The following NONO variants were observed in gnomAD, a reference collection of about 807,000 sequenced individuals.
NONO encodes the protein non-POU domain containing octamer binding.
In NONO, 6 loss-of-function variants were observed where a neutral mutation model predicts 40.2. The observed-to-expected ratio is 0.15, with a 90% confidence interval of 0.08 to 0.29. The LOEUF (loss-of-function observed/expected upper bound fraction) is 0.29, where lower values mean the gene tolerates loss of function less well. NONO is among the 10% of genes least tolerant of loss of function. The pLI is 1.00. For missense variants in NONO, 133 were observed against 397.8 expected (o/e 0.33, Z 5.66); for synonymous variants, 89 against 123.3 (o/e 0.72, Z 1.85).
intron 2 of NONO, among the ~76,000 whole-genome samples, chrX:71,288,108 A>ATTTTTTTT: frequency 2.2e-5 from 1 of 45,109 alleles, no homozygotes; most frequent in Non-Finnish European, 4.1e-5. Flanking sequence ...TTAACATTTT[A>ATTTTTTTT]TTATTTTTAT....
At position 71,300,401 on chromosome X, in the gene NONO, T is replaced by TTG; in HGVS notation, c.*325_*326insTG. The stretch of plus-strand genomic sequence containing the variant: ...TGATCATTCCGGTTTTTTTTTTTTT[T>TTG]GTCCATCTTGTTTCATTTGCTTGCC... On this transcript the variant is annotated 3_prime_UTR_variant, in exon 12 of 12. Transcript: ENST00000276079. The TTG allele has an allele frequency of 3.5e-6, 1 of 289,709 alleles. No individual in the cohort carries two copies. Among genetic ancestry groups the TTG allele is most frequent in the Admixed American group, 6.0e-5 (1 of 16,672 alleles). 23.9% of individuals were successfully genotyped at this position (289,709 alleles called of 1,213,427 possible).
chrX:71,288,526 G>T lies in NONO; in HGVS notation c.-9-2103G>T, dbSNP rs2031252960. Among the ~76,000 whole-genome samples, 4 of 111,905 alleles carry T rather than the reference G, an allele frequency of 3.6e-5. No homozygotes were observed. In the South Asian group the frequency reaches 1.5e-3, roughly 41 times the overall value. ...CCTGGCTCAGCCTCCTGAGTAACTG[G>T]GATTACAGGCATGTGCCACCACACC... On this transcript the variant is annotated intron_variant, in intron 2 of 11. Transcript: ENST00000276079.
At chrX:71,290,596 G>C (rs1335087603) in intron 2 of NONO, 33 bp from the exon 3 acceptor site, 1 of 1,149,229 alleles carries the variant, frequency 8.7e-7, no homozygotes, top group Non-Finnish European at 1.2e-6. Context: ...TATTAGTACT[G>C]AATTTATTTA....
intron 5 of NONO, among the ~76,000 whole-genome samples, chrX:71,295,583 G>A (rs1034485285): frequency 9.0e-6 from 1 of 110,579 alleles, no homozygotes; most frequent in African/African-American, 3.3e-5. Context: ...ACGAGGTCCT[G>A]AGTTTGAGAC....
chrX:71,288,056 T>A (rs2148028959), intron 2 of NONO, among the ~76,000 whole-genome samples: 1 of 103,333 alleles, frequency 9.7e-6, no homozygotes, highest in African/African-American at 3.5e-5. Flanking sequence ...ACAGAGCACT[T>A]GTTTTCTTTT....
Position 71,300,386 on chromosome X carries a change from G to GT in NONO, c.*310_*311insT, listed in dbSNP as rs2031552968. On this transcript the variant is annotated 3_prime_UTR_variant, in exon 12 of 12. Transcript: ENST00000276079. ...AGAGCCCATTAATCTTGATCATTCC[G>GT]GTTTTTTTTTTTTTTGTCCATCTTG... The GT allele has an allele frequency of 7.3e-6, 2 of 275,250 alleles. No individual in the cohort carries two copies. Among genetic ancestry groups the GT allele is most frequent in the South Asian group, 6.1e-5 (1 of 16,329 alleles). The allele number at this position is 275,250 out of a possible 1,213,427, so 22.7% of individuals were successfully genotyped here.
intron 2 of NONO, among the ~76,000 whole-genome samples, chrX:71,285,845 T>C (rs1436469457): frequency 1.8e-5 from 2 of 112,094 alleles, no homozygotes; most frequent in African/African-American, 3.2e-5. Context: ...ACGACCCAGG[T>C]GTCCAACACA....
intron 9 of NONO, 93 bp from the exon 10 acceptor site, chrX:71,298,376 A>C (rs2031498480): frequency 2.6e-6 from 2 of 754,944 alleles, no homozygotes; most frequent in African/African-American, 4.2e-5. Context: ...ACGTGTTATC[A>C]CTCTATCTAC....
rs760188784 is a variant in NONO at position 71,289,453 on chromosome X, G to T, written c.-9-1176G>T. Among the ~76,000 whole-genome samples, 4 of 109,485 alleles carry T rather than the reference G, an allele frequency of 3.7e-5. No individual in the cohort carries two copies. In the South Asian group the frequency reaches 1.6e-3, roughly 43 times the overall value. ...ACTACAGGCGCCTGCCACCACGCCC[G>T]GCTAATTTTTTGTATTTTTAGTAGA... On this transcript the variant is annotated intron_variant, in intron 2 of 11. Coordinates refer to ENST00000276079, the MANE Select transcript of NONO (RefSeq NM_007363.5).
Position 71,297,172 on chromosome X carries a change from G to A in NONO, c.943+125G>A. The stretch of plus-strand genomic sequence containing the variant: ...TTATACTTAGTTTGCGTTGATTTTG[G>A]TAGATAAATAGGCTTGGAGATGTGG... On this transcript the variant is annotated intron_variant, in intron 7 of 11. Transcript: ENST00000276079. 4 of 716,008 alleles carry A rather than the reference G, an allele frequency of 5.6e-6. No homozygotes were observed. In the African/African-American group the frequency reaches 6.5e-5, roughly 12 times the overall value. The allele number at this position is 716,008 out of a possible 1,213,427, so 59.0% of individuals were successfully genotyped here.
intron 5 of NONO, 97 bp from the exon 6 acceptor site, chrX:71,296,468 C>T: frequency 1.6e-6 from 1 of 612,873 alleles, no homozygotes; most frequent in Non-Finnish European, 2.5e-6. Flanking sequence ...GCCTCCAATC[C>T]TGAGCCCTAG....
At chrX:71,297,179 A>G (rs948269008) in intron 7 of NONO, 132 bp downstream of exon 7, 45 of 699,661 alleles carry the variant, frequency 6.4e-5, no homozygotes, top group Non-Finnish European at 8.8e-5. Flanking sequence ...TTGGTAGATA[A>G]ATAGGCTTGG....
Position 71,297,058 on chromosome X carries a change from G to A in NONO, c.943+11G>A, listed in dbSNP as rs1398229791. ...TGCTAATGAGACAGGGTGAGTCTAGGCCTGTAAGTCTTAAAGCTGAAAGGA... is the reference window on the plus strand; with the variant it reads ...TGCTAATGAGACAGGGTGAGTCTAGACCTGTAAGTCTTAAAGCTGAAAGGA... On this transcript the variant is annotated intron_variant, in intron 7 of 11. Transcript: ENST00000276079. The A allele has an allele frequency of 8.6e-7, 1 of 1,159,682 alleles. No homozygotes were observed. Among genetic ancestry groups the A allele is most frequent in the South Asian group, 2.0e-5 (1 of 50,606 alleles).
In NONO at chrX:71,300,532, A is replaced by T; in HGVS notation, c.*456A>T. 5.1e-6 allele frequency: 1 copy of T among 196,582 alleles called. No individual in the cohort carries two copies. Among genetic ancestry groups the T allele is most frequent in the Non-Finnish European group, 9.3e-6 (1 of 107,376 alleles). The allele number at this position is 196,582 out of a possible 1,213,427, so 16.2% of individuals were successfully genotyped here. On this transcript the variant is annotated 3_prime_UTR_variant, in exon 12 of 12. Coordinates refer to ENST00000276079, the MANE Select transcript of NONO (RefSeq NM_007363.5). ...CCCGGGTTCAAGCTTGTCCAGGTTG[A>T]TCTTGAACTCCTGACCTCGTGATCT...
rs768143530 is a variant in NONO, at chrX:71,289,497, TAGGC to T, written c.-9-1128_-9-1125del. On this transcript the variant is annotated intron_variant, in intron 2 of 11. Coordinates refer to ENST00000276079, the MANE Select transcript of NONO (RefSeq NM_007363.5). ...TAGTAGAGACGGGGTTTCACCATGT[TAGGC>T]AGGATGGTCTTGATCTCCTGACCTC... Among the ~76,000 whole-genome samples, 5 of 111,530 alleles carry T rather than the reference TAGGC, an allele frequency of 4.5e-5. No individual in the cohort carries two copies. The South Asian group carries it at 1.9e-3, about 41-fold the overall frequency.
chrX:71,299,562 G>A (rs2031530186), intron 11 of NONO, among the ~76,000 whole-genome samples: 1 of 112,034 alleles, frequency 8.9e-6, no homozygotes, highest in Non-Finnish European at 1.9e-5. Flanking sequence ...TTTTGGTTAT[G>A]GTGTTAAAAT....
chrX:71,286,191 TATAAC>T (rs1414379729), intron 2 of NONO, among the ~76,000 whole-genome samples: 2 of 112,034 alleles, frequency 1.8e-5, no homozygotes, highest in Non-Finnish European at 3.8e-5. Context: ...TCTGATACCT[TATAAC>T]ATTAATGAGA....
chrX:71,295,989 T>G (rs2031439425), intron 5 of NONO, among the ~76,000 whole-genome samples: 1 of 111,095 alleles, frequency 9.0e-6, no homozygotes, highest in African/African-American at 3.3e-5. Context: ...TCTCTTAGTG[T>G]TTACCACAAG....
chrX:71,296,973 A>C lies in NONO; in HGVS notation c.869A>C (p.Lys290Thr). 1 of 1,209,856 alleles carries C rather than the reference A, an allele frequency of 8.3e-7. No homozygotes were observed. The change falls in exon 7 of 12, where the codon AAG becomes ACG. Residue 290 changes from lysine to threonine, a missense_variant. Physicochemically the swap from Lys to Thr is moderately conservative, Grantham distance 78. Transcript: ENST00000276079. ...CAGGACCAAGTGGACCGCAACATCAAGGAGGCTCGTGAGAAGCTGGAGATG... is the reference window on the plus strand; with the variant it reads ...CAGGACCAAGTGGACCGCAACATCACGGAGGCTCGTGAGAAGCTGGAGATG... ...QQQDQVDRNI[K>T]EAREKLEMEM...
Sources: gnomAD v4.1 joint callset for allele counts (sites outside exome capture counted in the v4.1 genomes callset) on GRCh38, gnomAD v4.1.1 for gene constraint, MANE v1.5 for transcripts, NCBI Gene and HGNC (gene_info 2026-07-23, HGNC 2026-07-21) for gene names.